Variants in CFAP47 observed in about 807,000 individuals in gnomAD.
The protein encoded by CFAP47 is cilia- and flagella-associated protein 47.
CFAP47 carries 29 observed loss-of-function variants against 148.1 expected under a neutral mutation model. That is an observed-to-expected ratio of 0.20 (90% CI 0.15 to 0.27). The LOEUF (loss-of-function observed/expected upper bound fraction) is 0.27, where lower values mean the gene tolerates loss of function less well. Among genes scored for constraint, CFAP47 ranks in the 10% least tolerant of loss-of-function variants. The pLI is 1.00. For missense variants in CFAP47, 1,872 were observed against 1,697.5 expected, an observed-to-expected ratio of 1.10 and a Z score of -1.81; for synonymous variants, 664 against 577.3, an observed-to-expected ratio of 1.15 and a Z score of -2.15.
At position 35,941,371 on chromosome X, in the gene CFAP47, A is replaced by G; in HGVS notation, c.490A>G (p.Thr164Ala). The G allele has an allele frequency of 9.0e-7, 1 of 1,112,323 alleles. No individual in the cohort carries two copies. The allele number at this position is 1,112,323 out of a possible 1,213,427, so 91.7% of individuals were successfully genotyped here. A position where few individuals can be genotyped will look rare whatever the true frequency, so the allele number is the denominator to read the frequency against. ...TAGTAAAGTATATTCTAAAGAGATT[A>G]CTATCACTAACCATGGCAAAGCTCC... ...ANSKVYSKEI[T>A]ITNHGKAPGI... The change falls in exon 3 of 64, where the codon ACT becomes GCT. Residue 164 changes from threonine (T) to alanine (A), a missense_variant. Thr to Ala is a moderately conservative substitution (Grantham distance 58). Transcript: ENST00000378653.
At chrX:36,221,220 A>G (rs1555990752) in intron 45 of CFAP47, among the ~76,000 whole-genome samples, 1 of 111,669 alleles carries the variant, frequency 9.0e-6, no homozygotes, top group Non-Finnish European at 1.9e-5. Flanking sequence ...TTCGGGTGTT[A>G]CCAAAACAAA....
chrX:35,970,898 C>T lies in CFAP47; in HGVS notation c.1945C>T (p.Arg649Cys), dbSNP rs113808329. 6 of 1,186,290 alleles carry T rather than the reference C, an allele frequency of 5.1e-6. No homozygotes were observed. The Admixed American group carries it at 7.2e-5, about 14-fold the overall frequency. The change falls in exon 11 of 64, where the codon CGC becomes TGC. Residue 649 changes from arginine to cysteine, a missense_variant. Arg to Cys is a radical substitution (Grantham distance 180, BLOSUM62 -3). Coordinates refer to ENST00000378653, the MANE Select transcript of CFAP47 (RefSeq NM_001304548.2). ...AMYLKYLRSV[R>C]LQKKQAERER... The stretch of plus-strand genomic sequence containing the variant: ...GTATCTTAAATATTTAAGAAGTGTG[C>T]GCTTGCAGAAGAAACAAGCAGAGAG...
intron 3 of CFAP47, among the ~76,000 whole-genome samples, chrX:35,943,107 G>A (rs902884705): frequency 1.8e-5 from 2 of 111,384 alleles, no homozygotes; most frequent in African/African-American, 3.3e-5. Flanking sequence ...AGATTAGCTA[G>A]TGCCTATAAA....
chrX:35,976,204 G>T (rs1198564820), intron 15 of CFAP47, among the ~76,000 whole-genome samples: 2 of 110,672 alleles, frequency 1.8e-5, no homozygotes, highest in African/African-American at 6.6e-5. Context: ...AGGTTGTGTG[G>T]TTGTGTGGCC....
At chrX:36,213,779 T>G (rs1031384951) in intron 45 of CFAP47, among the ~76,000 whole-genome samples, 2 of 112,488 alleles carry the variant, frequency 1.8e-5, no homozygotes, top group Non-Finnish European at 3.8e-5. Context: ...CAATGCTGTT[T>G]ATTCTTACTC....
At chrX:36,272,287 A>C in intron 49 of CFAP47, among the ~76,000 whole-genome samples, 1 of 112,215 alleles carries the variant, frequency 8.9e-6, no homozygotes, top group Non-Finnish European at 1.9e-5. Context: ...GCGCCAGTTA[A>C]AGCAAAATAT....
At chrX:36,257,482 T>C (rs1940767433) in intron 49 of CFAP47, among the ~76,000 whole-genome samples, 1 of 108,355 alleles carries the variant, frequency 9.2e-6, no homozygotes, top group Non-Finnish European at 1.9e-5. Context: ...TAGAGTTCAG[T>C]GGTGTGAACA....
intron 1 of CFAP47, among the ~76,000 whole-genome samples, chrX:35,923,298 C>G (rs186422646): frequency 9.0e-6 from 1 of 111,536 alleles, no homozygotes; most frequent in African/African-American, 3.3e-5. Flanking sequence ...TTAATATCAG[C>G]CTCACAGGAC....
chrX:36,237,198 A>G (rs1555994903), intron 48 of CFAP47, among the ~76,000 whole-genome samples: 1 of 112,361 alleles, frequency 8.9e-6, no homozygotes, highest in African/African-American at 3.2e-5. Context: ...TAAAATTTTA[A>G]TGTGAAATCT....
chrX:36,145,061 TTATA>T (rs146920213), intron 35 of CFAP47, 154 bp from the exon 36 acceptor site: 18,392 of 366,404 alleles, frequency 0.05, 1,300 homozygotes, highest in African/African-American at 0.3. Context: ...AAATTCCCGT[TTATA>T]TATATATATG....
intron 45 of CFAP47, chrX:36,211,692 A>T (rs782104986): frequency 1.1e-4 from 21 of 195,744 alleles, no homozygotes; most frequent in Non-Finnish European, 1.6e-4. Flanking sequence ...GATGAAGAAG[A>T]TGAAGATCAA....
chrX:35,944,990 C>A (rs900024928), intron 3 of CFAP47, among the ~76,000 whole-genome samples: 2 of 111,874 alleles, frequency 1.8e-5, no homozygotes, highest in Non-Finnish European at 1.9e-5. Context: ...CAATTCAAAG[C>A]CCTTTGGCTT....
chrX:36,245,964 C>A (rs2146917986), intron 48 of CFAP47, among the ~76,000 whole-genome samples: 1 of 111,429 alleles, frequency 9.0e-6, no homozygotes, highest in African/African-American at 3.3e-5. Flanking sequence ...CTATTAAAAT[C>A]CTGGATTTTA....
chrX:36,244,308 A>T (rs1263878092), intron 48 of CFAP47, among the ~76,000 whole-genome samples: 1 of 111,594 alleles, frequency 9.0e-6, no homozygotes, highest in Non-Finnish European at 1.9e-5. Context: ...TAACAATTTA[A>T]CTTTGCACCC....
intron 44 of CFAP47, among the ~76,000 whole-genome samples, chrX:36,203,915 G>C (rs1365441506): frequency 1.8e-5 from 2 of 111,596 alleles, no homozygotes; most frequent in Non-Finnish European, 3.8e-5. Flanking sequence ...TCTGTGGAGA[G>C]GTGGGACCCA....
intron 30 of CFAP47, among the ~76,000 whole-genome samples, chrX:36,088,755 C>T (rs1012680137): frequency 1.8e-5 from 2 of 111,427 alleles, no homozygotes; most frequent in Non-Finnish European, 3.8e-5. Flanking sequence ...TCCTTTGATA[C>T]AATTTCACTT....
At chrX:36,262,090 A>G (rs1556000289) in intron 49 of CFAP47, among the ~76,000 whole-genome samples, 1 of 112,049 alleles carries the variant, frequency 8.9e-6, no homozygotes, top group African/African-American at 3.2e-5. Flanking sequence ...ATTTTTAATT[A>G]TTGTGGGTAC....
At chrX:36,346,243 A>G (rs1237664400) in intron 57 of CFAP47, among the ~76,000 whole-genome samples, 2 of 110,365 alleles carry the variant, frequency 1.8e-5, no homozygotes, top group East Asian at 2.8e-4. Context: ...TTTTAAATAC[A>G]TTCTCATGAC....
chrX:36,120,199 G>A (rs751727233), intron 33 of CFAP47, among the ~76,000 whole-genome samples: 9 of 107,345 alleles, frequency 8.4e-5, no homozygotes, highest in African/African-American at 2.0e-4. Flanking sequence ...TAGTAGAGAC[G>A]GGGTTTCATC....
Sources: allele counts gnomAD v4.1 joint callset (sites outside exome capture counted in the v4.1 genomes callset), GRCh38; gene constraint gnomAD v4.1.1; transcripts MANE v1.5; gene names NCBI Gene and HGNC (gene_info 2026-07-23, HGNC 2026-07-21).